The following CSMD1 variants were observed in gnomAD, a reference collection of about 807,000 sequenced individuals.
CSMD1 encodes CUB and sushi domain-containing protein 1.
CSMD1 carries 213 observed loss-of-function variants against 417.5 expected under a neutral mutation model. The observed-to-expected ratio is 0.51, with a 90% CI of 0.46 to 0.57. The LOEUF (loss-of-function observed/expected upper bound fraction) is 0.57, where lower values mean the gene tolerates loss of function less well. Ranked by LOEUF, CSMD1 falls within the 20% of genes least tolerant of loss-of-function variation. CSMD1 has a pLI of 0.00. For synonymous variants in CSMD1, 2,862 were observed against 1,736.8 expected, an observed-to-expected ratio of 1.65 and a Z score of -16.11; for missense variants, 6,923 against 4,529.7, an observed-to-expected ratio of 1.53 and a Z score of -15.17.
At chr8:4,834,773 G>A (rs113176121) in intron 1 of CSMD1, among the ~76,000 whole-genome samples, 2 of 151,496 alleles carry the variant, frequency 1.3e-5, no homozygotes, top group African/African-American at 2.4e-5. Flanking sequence ...TGGCTAACAC[G>A]GTGAAACCCC....
intron 1 of CSMD1, chr8:4,788,366 C>T (rs1270156940): frequency 6.8e-7 from 1 of 1,471,286 alleles, no homozygotes; most frequent in East Asian, 2.3e-5. Context: ...CCTGTCCTCC[C>T]CTCACACCAG....
chr8:2,937,351 C>A lies in CSMD1; in HGVS notation c.*1234G>T, dbSNP rs907972547. 2.0e-5 allele frequency: 3 copies of A among 151,414 alleles called. No individual in the cohort carries two copies. Among genetic ancestry groups the A allele is most frequent in the African/African-American group, 7.3e-5 (3 of 41,202 alleles). The allele number at this position is 151,414 out of a possible 1,614,324, so 9.4% of individuals were successfully genotyped here. A position where few individuals can be genotyped will look rare whatever the true frequency, so the allele number is the denominator to read the frequency against. On this transcript the variant is annotated 3_prime_UTR_variant, in exon 70 of 70. Transcript: ENST00000635120. ...CTAAAAGAACACTTGGTATTTTGAT[C>A]CTGAACAATTTTCACTGAGTTCAAG...
chr8:3,946,690 G>C (rs1034861254), intron 5 of CSMD1, among the ~76,000 whole-genome samples: 2 of 152,096 alleles, frequency 1.3e-5, no homozygotes, highest in East Asian at 1.9e-4. Context: ...TCATGGTCTA[G>C]TGTATCTCCC....
At chr8:4,596,687 C>T (rs1436300482) in intron 2 of CSMD1, among the ~76,000 whole-genome samples, 9 of 152,172 alleles carry the variant, frequency 5.9e-5, no homozygotes, top group African/African-American at 2.2e-4. Context: ...CTCGGTCTAA[C>T]TTCAGTTCAT....
intron 2 of CSMD1, among the ~76,000 whole-genome samples, chr8:4,606,146 G>T (rs1421354121): frequency 6.6e-6 from 1 of 152,136 alleles, no homozygotes; most frequent in Non-Finnish European, 1.5e-5. Flanking sequence ...CACTAATACT[G>T]AGCTTCTAAA....
At chr8:3,787,399 C>A (rs1233466372) in intron 5 of CSMD1, among the ~76,000 whole-genome samples, 3 of 152,056 alleles carry the variant, frequency 2.0e-5, no homozygotes, top group African/African-American at 7.2e-5. Context: ...CCAGGATTCT[C>A]CTGTTTTGTG....
At chr8:3,271,938 G>C (rs189985764) in intron 26 of CSMD1, among the ~76,000 whole-genome samples, 1 of 152,224 alleles carries the variant, frequency 6.6e-6, no homozygotes, top group East Asian at 1.9e-4. Flanking sequence ...AGTTTAATTA[G>C]ATCCCATTTG....
chr8:4,001,639 C>G (rs751561962), intron 4 of CSMD1, among the ~76,000 whole-genome samples: 4 of 152,110 alleles, frequency 2.6e-5, no homozygotes, highest in African/African-American at 4.8e-5. Flanking sequence ...TCCCCTGAGT[C>G]TAAGATCTTA....
chr8:4,293,639 C>T (rs1797501254), intron 3 of CSMD1, among the ~76,000 whole-genome samples: 1 of 152,132 alleles, frequency 6.6e-6, no homozygotes, highest in African/African-American at 2.4e-5. Context: ...GACTGTAAGA[C>T]ACAGCAGTCT....
intron 2 of CSMD1, among the ~76,000 whole-genome samples, chr8:4,467,319 T>C (rs1800242795): frequency 6.6e-6 from 1 of 152,152 alleles, no homozygotes; most frequent in South Asian, 2.1e-4. Flanking sequence ...CTATACAGAT[T>C]ATTTAATTGA....
chr8:4,802,797 A>G (rs1260067163), intron 1 of CSMD1, among the ~76,000 whole-genome samples: 1 of 152,180 alleles, frequency 6.6e-6, no homozygotes, highest in Non-Finnish European at 1.5e-5. Flanking sequence ...AAAATCCGTG[A>G]CGTCATAGGG....
intron 2 of CSMD1, among the ~76,000 whole-genome samples, chr8:4,609,162 G>A (rs1175166518): frequency 6.6e-6 from 1 of 152,226 alleles, no homozygotes; most frequent in Non-Finnish European, 1.5e-5. Flanking sequence ...CACTTTGGGA[G>A]GCTGAGGTGG....
At chr8:3,927,803 T>C (rs920461383) in intron 5 of CSMD1, among the ~76,000 whole-genome samples, 90 of 152,180 alleles carry the variant, frequency 5.9e-4, no homozygotes, top group African/African-American at 2.1e-3. Context: ...AATATTTTAG[T>C]TTTAAATTTA....
chr8:4,349,098 A>T (rs1179745900), intron 3 of CSMD1, among the ~76,000 whole-genome samples: 1 of 152,246 alleles, frequency 6.6e-6, no homozygotes, highest in Non-Finnish European at 1.5e-5. Context: ...TTACAAAATG[A>T]GCTGAAGTTT....
At chr8:4,044,442 A>T (rs2130654107) in intron 3 of CSMD1, among the ~76,000 whole-genome samples, 1 of 152,248 alleles carries the variant, frequency 6.6e-6, no homozygotes, top group East Asian at 1.9e-4. Flanking sequence ...TTTACCATAA[A>T]AGCTGCTTAA....
intron 3 of CSMD1, among the ~76,000 whole-genome samples, chr8:4,252,496 C>G (rs1803147691): frequency 6.6e-6 from 1 of 152,286 alleles, no homozygotes. Context: ...TTTTGAGAAG[C>G]CAGAGGCATG....
At chr8:4,365,208 A>G (rs981002547) in intron 3 of CSMD1, among the ~76,000 whole-genome samples, 1 of 152,204 alleles carries the variant, frequency 6.6e-6, no homozygotes, top group East Asian at 1.9e-4. Flanking sequence ...CCTTGTCTAT[A>G]TATAAAAAAA....
intron 5 of CSMD1, among the ~76,000 whole-genome samples, chr8:3,775,339 G>A (rs1401979698): frequency 2.6e-5 from 4 of 152,140 alleles, no homozygotes; most frequent in Non-Finnish European, 5.9e-5. Context: ...TGTATCCTAC[G>A]CCTTCACCTC....
chr8:3,349,997 G>C (rs1360868331), intron 21 of CSMD1, among the ~76,000 whole-genome samples: 1 of 144,482 alleles, frequency 6.9e-6, no homozygotes, highest in Non-Finnish European at 1.5e-5. Flanking sequence ...TTGTGTATGT[G>C]TTATAATACC....
Sources: allele counts gnomAD v4.1 joint callset (sites outside exome capture counted in the v4.1 genomes callset), GRCh38; gene constraint gnomAD v4.1.1; transcripts MANE v1.5; gene names NCBI Gene and HGNC (gene_info 2026-07-23, HGNC 2026-07-21).